Variants in SGTA observed in about 807,000 individuals in gnomAD.
SGTA encodes the protein small glutamine rich tetratricopeptide repeat co-chaperone alpha, also known as small glutamine-rich tetratricopeptide repeat-containing protein alpha.
Under a neutral mutation model 44.3 loss-of-function variants are expected in SGTA, and 22 were observed. The observed-to-expected ratio is 0.50, with a 90% CI of 0.36 to 0.71. The LOEUF (loss-of-function observed/expected upper bound fraction) is 0.71. Ranked by LOEUF, SGTA falls within the 30% of genes least tolerant of loss-of-function variation. SGTA has a pLI of 0.00. For synonymous variants in SGTA, 174 were observed against 177.6 expected, an observed-to-expected ratio of 0.98 and a Z score of 0.16; for missense variants, 341 against 435.9, an observed-to-expected ratio of 0.78 and a Z score of 1.94.
At position 2,765,156 on chromosome 19, in the gene SGTA, C is replaced by A; in HGVS notation, c.392+30G>T. Reference sequence around the variant, plus strand: ...GGAGGACGCCCCCGCACCCGGCCGCCCCTGCCCTGGGCAGGCCCTGAGCTG... The same window carrying A: ...GGAGGACGCCCCCGCACCCGGCCGCACCTGCCCTGGGCAGGCCCTGAGCTG... On this transcript the variant is annotated intron_variant, in intron 5 of 11. Coordinates refer to ENST00000221566, the MANE Select transcript of SGTA (RefSeq NM_003021.4). The surrounding 1 kb of genome is among the most constrained non-coding windows in gnomAD (Gnocchi z 5.5). 6.4e-7 allele frequency: 1 copy of A among 1,570,764 alleles called. No homozygotes were observed. The highest frequency in any genetic ancestry group is 8.8e-7 in the Non-Finnish European group (1 of 1,140,872).
At chr19:2,782,875 G>C (rs796586790) in intron 1 of SGTA, among the ~76,000 whole-genome samples, 10 of 152,236 alleles carry the variant, frequency 6.6e-5, no homozygotes, top group African/African-American at 1.9e-4. Context: ...CCCCACAAAC[G>C]GGGGTCCCTG....
intron 1 of SGTA, among the ~76,000 whole-genome samples, chr19:2,775,078 G>A (rs1306490047): frequency 6.6e-6 from 1 of 152,234 alleles, no homozygotes; most frequent in African/African-American, 2.4e-5. Context: ...GACTAGAAGA[G>A]GAGGACCTGA....
intron 1 of SGTA, among the ~76,000 whole-genome samples, chr19:2,775,224 G>A (rs372054370): frequency 4.9e-4 from 74 of 152,218 alleles, no homozygotes; most frequent in Non-Finnish European, 8.7e-4. Context: ...ATCCGCGCCC[G>A]GCAGGCGCCT....
In SGTA at chr19:2,765,432, T is replaced by C. The variant is rs371065704; in HGVS notation, c.293-147A>G. The C allele has an allele frequency of 1.1e-5, 7 of 633,910 alleles. No homozygotes were observed. The highest frequency in any genetic ancestry group is 5.4e-5 in the South Asian group (3 of 55,440). The allele number at this position is 633,910 out of a possible 1,614,324, so 39.3% of individuals were successfully genotyped here. A position where few individuals can be genotyped will look rare whatever the true frequency, so the allele number is the denominator to read the frequency against. ...CTGGGCAGCCAGGACTCAACACAGA[T>C]GCCGGCTCAGGAGGCATCTGCATCT... On this transcript the variant is annotated intron_variant, in intron 4 of 11. Coordinates refer to ENST00000221566, the MANE Select transcript of SGTA (RefSeq NM_003021.4). This position sits in a 1 kb window ranked among gnomAD's most constrained non-coding sequence, Gnocchi z 5.5.
chr19:2,763,707 C>T lies in SGTA; in HGVS notation c.443G>A (p.Cys148Tyr), dbSNP rs1363385172. The T allele has an allele frequency of 6.2e-7, 1 of 1,613,888 alleles. No homozygotes were observed. The highest frequency in any genetic ancestry group is 8.5e-7 in the Non-Finnish European group (1 of 1,179,974). The change falls in exon 6 of 12, where the codon TGT becomes TAT. Residue 148 changes from cysteine to tyrosine, a missense_variant. Coordinates refer to ENST00000221566, the MANE Select transcript of SGTA (RefSeq NM_003021.4). This position sits in a 1 kb window ranked among gnomAD's most constrained non-coding sequence, Gnocchi z 5.8. ...LGNYAGAVQD[C>Y]ERAICIDPAY... Reference sequence around the variant, plus strand: ...CGGGTCAATGCAGATGGCCCGCTCACAGTCCTGCACCGCGCCTGCGTAGTT... The same window carrying T: ...CGGGTCAATGCAGATGGCCCGCTCATAGTCCTGCACCGCGCCTGCGTAGTT...
Position 2,756,499 on chromosome 19 carries a change from A to G in SGTA, c.*7-566T>C, listed in dbSNP as rs551604369. Among the ~76,000 whole-genome samples the G allele has an allele frequency of 2.6e-5, 4 of 152,180 alleles. No homozygotes were observed. In the East Asian group the frequency reaches 7.7e-4, roughly 29 times the overall value. On this transcript the variant is annotated intron_variant, in intron 11 of 11. Transcript: ENST00000221566. Reference sequence around the variant, plus strand: ...AAGATTGTTCTTGCTGCTTTTTAACATTTTTGTATTTTAAATTTGTCTACA... The same window carrying G: ...AAGATTGTTCTTGCTGCTTTTTAACGTTTTTGTATTTTAAATTTGTCTACA...
intron 8 of SGTA, among the ~76,000 whole-genome samples, chr19:2,760,426 G>A (rs1307713076): frequency 6.9e-6 from 1 of 145,130 alleles, no homozygotes; most frequent in Non-Finnish European, 1.5e-5. Context: ...GCTGACGCAG[G>A]AGAATCGCTT....
rs138757381 is a variant in SGTA at position 2,761,012 on chromosome 19, G to A, written c.699+448C>T. On this transcript the variant is annotated intron_variant, in intron 8 of 11. Coordinates refer to ENST00000221566, the MANE Select transcript of SGTA (RefSeq NM_003021.4). The surrounding 1 kb of genome is among the most constrained non-coding windows in gnomAD (Gnocchi z 5.7). ...TTGGAAGCATGAGTGCCCGGGCATCGGGAGGTCCACCTGCGCCCGGCGCAC... is the reference window on the plus strand; with the variant it reads ...TTGGAAGCATGAGTGCCCGGGCATCAGGAGGTCCACCTGCGCCCGGCGCAC... Among the ~76,000 whole-genome samples the A allele has an allele frequency of 3.9e-3, 587 of 152,314 alleles. 3 individuals are homozygous for A. The highest frequency in any genetic ancestry group is 0.014 in the African/African-American group (571 of 41,570).
At chr19:2,777,107 C>A (rs931948370) in intron 1 of SGTA, among the ~76,000 whole-genome samples, 1 of 151,578 alleles carries the variant, frequency 6.6e-6, no homozygotes, top group Non-Finnish European at 1.5e-5. Context: ...AAAAAATAGC[C>A]GGTCGTAGTG....
chr19:2,756,616 C>T (rs1914824957), intron 11 of SGTA, among the ~76,000 whole-genome samples: 1 of 152,118 alleles, frequency 6.6e-6, no homozygotes, highest in South Asian at 2.1e-4. Flanking sequence ...GGAAACACCT[C>T]TGGGGAGGCC....
rs931241343 is a variant in SGTA at position 2,761,241 on chromosome 19, C to T, written c.699+219G>A. Among the ~76,000 whole-genome samples, 21 of 152,126 alleles carry T rather than the reference C, an allele frequency of 1.4e-4. No homozygotes were observed. Among genetic ancestry groups the T allele is most frequent in the Non-Finnish European group, 2.6e-4 (18 of 68,002 alleles). ...CAACATTGGGGACACTTTTGATTGT[C>T]GAAGCAGAGGGTGGGGGTGCTCCTG... On this transcript the variant is annotated intron_variant, in intron 8 of 11. Coordinates refer to ENST00000221566, the MANE Select transcript of SGTA (RefSeq NM_003021.4). This position sits in a 1 kb window ranked among gnomAD's most constrained non-coding sequence, Gnocchi z 5.7.
intron 1 of SGTA, among the ~76,000 whole-genome samples, chr19:2,781,532 G>GCTGATA (rs1915575711): frequency 6.6e-6 from 1 of 152,126 alleles, no homozygotes; most frequent in African/African-American, 2.4e-5. Flanking sequence ...GGTGGATTTG[G>GCTGATA]CCTTCTGGTC....
chr19:2,759,166 T>C, intron 9 of SGTA, 91 bp downstream of exon 9: 3 of 1,198,252 alleles, frequency 2.5e-6, no homozygotes, highest in Non-Finnish European at 3.7e-6. Context: ...TTGCACACTT[T>C]AAAGTGGTTA....
chr19:2,758,714 C>T (rs1490923163), intron 9 of SGTA, among the ~76,000 whole-genome samples: 4 of 152,188 alleles, frequency 2.6e-5, no homozygotes, highest in East Asian at 3.9e-4. Context: ...TCACAACAGA[C>T]AAAAGGTAGA....
chr19:2,759,776 C>T (rs1914933864), intron 8 of SGTA, among the ~76,000 whole-genome samples: 1 of 152,068 alleles, frequency 6.6e-6, no homozygotes, highest in Non-Finnish European at 1.5e-5. Flanking sequence ...GCCTAACCAA[C>T]ATGGTGAAAC....
intron 9 of SGTA, 87 bp downstream of exon 9, chr19:2,759,170 G>A (rs1914913439): frequency 1.6e-6 from 2 of 1,214,754 alleles, no homozygotes; most frequent in East Asian, 2.3e-5. Flanking sequence ...ACACTTTAAA[G>A]TGGTTAGTTT....
intron 11 of SGTA, among the ~76,000 whole-genome samples, chr19:2,756,818 A>G (rs1023700493): frequency 7.9e-5 from 12 of 152,152 alleles, no homozygotes; most frequent in Admixed American, 2.6e-4. Flanking sequence ...GTATTTTTAA[A>G]CAACTGTAAG....
chr19:2,755,997 TC>T lies in SGTA; in HGVS notation c.*7-65del. ...TGGGGACCAAGGCTGCACCACACAC[TC>T]CAGGCAGCAGGAGAGGCCCAGAGTG... On this transcript the variant is annotated intron_variant, in intron 11 of 11. Coordinates refer to ENST00000221566, the MANE Select transcript of SGTA (RefSeq NM_003021.4). This position sits in a 1 kb window ranked among gnomAD's most constrained non-coding sequence, Gnocchi z 5.2. 1 of 926,298 alleles carries T rather than the reference TC, an allele frequency of 1.1e-6. No homozygotes were observed. The highest frequency in any genetic ancestry group is 1.3e-6 in the Non-Finnish European group (1 of 776,530). 57.4% of individuals were successfully genotyped at this position (926,298 alleles called of 1,614,324 possible). A position where few individuals can be genotyped will look rare whatever the true frequency, so the allele number is the denominator to read the frequency against.
intron 1 of SGTA, among the ~76,000 whole-genome samples, chr19:2,775,389 C>T (rs915965631): frequency 6.6e-6 from 1 of 152,250 alleles, no homozygotes; most frequent in African/African-American, 2.4e-5. Flanking sequence ...AAGGCATTGG[C>T]CCGCCACGCT....
Sources: allele counts gnomAD v4.1 joint callset (sites outside exome capture counted in the v4.1 genomes callset), GRCh38; gene constraint gnomAD v4.1.1; non-coding constraint Gnocchi (gnomAD v3.1); transcripts MANE v1.5; gene names NCBI Gene and HGNC (gene_info 2026-07-23, HGNC 2026-07-21).